Variants in SUCO observed in about 807,000 individuals in gnomAD.
The protein encoded by SUCO is SUN domain containing ossification factor.
SUCO carries 57 observed loss-of-function variants against 148.1 expected under a neutral mutation model. The ratio of observed to expected loss-of-function variants is 0.38; its 90% CI spans 0.31 to 0.48. SUCO has a LOEUF of 0.48. Among genes scored for constraint, SUCO ranks in the 20% least tolerant of loss-of-function variants. The probability of loss-of-function intolerance (pLI) is 0.96; values close to 1 mark genes in which losing one functional copy is unlikely to be tolerated. For missense variants in SUCO, 1,331 were observed against 1,468.2 expected (o/e 0.91, Z 1.53); for synonymous variants, 470 against 502.7 (o/e 0.93, Z 0.87).
Position 172,578,415 on chromosome 1 carries a change from T to G in SUCO, c.1432+26T>G, listed in dbSNP as rs760905069. Reference sequence around the variant, plus strand: ...GTAAGTGACATCAAACAGATGACTGTTAGGTATATTTTTTTTACTTTTTAA... The same window carrying G: ...GTAAGTGACATCAAACAGATGACTGGTAGGTATATTTTTTTTACTTTTTAA... On this transcript the variant is annotated intron_variant, in intron 14 of 23. Transcript: ENST00000263688. 3 of 1,586,812 alleles carry G rather than the reference T, an allele frequency of 1.9e-6. No homozygotes were observed. In the South Asian group the frequency reaches 3.4e-5, roughly 18 times the overall value.
chr1:172,533,495 C>T lies in SUCO; in HGVS notation c.60C>T (p.Val20=). The T allele has an allele frequency of 1.3e-6, 2 of 1,552,978 alleles. No homozygotes were observed. Among genetic ancestry groups the T allele is most frequent in the Non-Finnish European group, 1.7e-6 (2 of 1,146,288 alleles). Reference sequence around the variant, plus strand: ...CCTGCCTCTTTCTGTGCTCTCTGGTCTGGTGAGTAGCCGCGACGACAAGGG... The same window carrying T: ...CCTGCCTCTTTCTGTGCTCTCTGGTTTGGTGAGTAGCCGCGACGACAAGGG... ...LVSCLFLCSL[V]WLPSWRVCCK... The change falls in exon 1 of 24, where the codon GTC becomes GTT. Residue 20 remains valine (V), a splice_region_variant and synonymous_variant. Transcript: ENST00000263688.
chr1:172,537,770 C>G (rs1190842852), intron 1 of SUCO, among the ~76,000 whole-genome samples: 1 of 152,174 alleles, frequency 6.6e-6, no homozygotes, highest in Non-Finnish European at 1.5e-5. Context: ...TTAAACAAGT[C>G]TCATACATTT....
intron 21 of SUCO, 23 bp downstream of exon 21, chr1:172,602,241 C>A: frequency 6.4e-7 from 1 of 1,552,120 alleles, no homozygotes; most frequent in Non-Finnish European, 8.7e-7. Flanking sequence ...TTATATTTCA[C>A]AATTTTATTT....
intron 13 of SUCO, among the ~76,000 whole-genome samples, 192 bp downstream of exon 13, chr1:172,578,011 T>G (rs1655584452): frequency 6.6e-6 from 1 of 151,852 alleles, no homozygotes; most frequent in Non-Finnish European, 1.5e-5. Context: ...AAAACCTCAT[T>G]TTGTATATTT....
At chr1:172,553,677 A>AT (rs1197280175) in intron 3 of SUCO, among the ~76,000 whole-genome samples, 5 of 151,990 alleles carry the variant, frequency 3.3e-5, no homozygotes, top group Non-Finnish European at 7.4e-5. Context: ...TTGTTAAGAA[A>AT]TTTTTTTCTA....
chr1:172,602,381 A>T, intron 21 of SUCO, 163 bp downstream of exon 21: 2 of 980,720 alleles, frequency 2.0e-6, no homozygotes, highest in Non-Finnish European at 2.4e-6. Context: ...AGATGGTCCT[A>T]TGCCTAACCT....
chr1:172,541,233 G>GTTTTAAATCACCTCTAGATA (rs1406066391), intron 1 of SUCO, among the ~76,000 whole-genome samples: 1 of 152,098 alleles, frequency 6.6e-6, no homozygotes, highest in Non-Finnish European at 1.5e-5. Flanking sequence ...ATGCATAGAT[G>GTTTTAAATCACCTCTAGATA]TTTTAAATCA....
At chr1:172,607,835 G>A (rs1288319008) in intron 22 of SUCO, among the ~76,000 whole-genome samples, 2 of 151,862 alleles carry the variant, frequency 1.3e-5, no homozygotes, top group African/African-American at 4.8e-5. Flanking sequence ...TCATATATTT[G>A]ATGACTTTCT....
intron 22 of SUCO, among the ~76,000 whole-genome samples, chr1:172,605,072 G>T (rs1011668007): frequency 2.0e-5 from 3 of 151,712 alleles, no homozygotes; most frequent in Non-Finnish European, 4.4e-5. Flanking sequence ...CTCCGTTATG[G>T]ATTATAACCC....
chr1:172,574,908 T>G, intron 10 of SUCO: 1 of 985,154 alleles, frequency 1.0e-6, no homozygotes, highest in Non-Finnish European at 1.2e-6. Context: ...CTCAGTTCAC[T>G]TCTTTTTCTC....
upstream of SUCO, chr1:172,532,379 C>A (rs1223912868): frequency 5.3e-6 from 5 of 944,174 alleles, no homozygotes; most frequent in African/African-American, 6.6e-5. Context: ...GAACGAAAAG[C>A]AACGAAGCAC....
upstream of SUCO, chr1:172,533,039 C>T (rs1216180824): frequency 6.3e-6 from 9 of 1,433,050 alleles, no homozygotes; most frequent in East Asian, 2.5e-5. Context: ...TCCAGCTCAG[C>T]GGTGTGTGAG....
At chr1:172,607,134 A>G (rs74553230) in intron 22 of SUCO, among the ~76,000 whole-genome samples, 10,075 of 151,946 alleles carry the variant, frequency 0.066, 494 homozygotes, top group Middle Eastern at 0.12. Flanking sequence ...TGATAAATCT[A>G]ATATCTTAAA....
At chr1:172,575,668 C>T (rs375734057) in intron 11 of SUCO, 45 bp downstream of exon 11, 61 of 1,341,180 alleles carry the variant, frequency 4.5e-5, no homozygotes, top group Middle Eastern at 3.6e-4. Context: ...TGAAAATATA[C>T]GTGTTATTCA....
chr1:172,610,001 T>G lies in SUCO; in HGVS notation c.3507T>G (p.Thr1169=). 1 of 1,613,964 alleles carries G rather than the reference T, an allele frequency of 6.2e-7. No individual in the cohort carries two copies. Among genetic ancestry groups the G allele is most frequent in the Non-Finnish European group, 8.5e-7 (1 of 1,179,898 alleles). ...KGPPSEGSSE[T]SSQSEESYFC... ...CTCCATCTGAAGGAAGCTCAGAAAC[T>G]TCATCACAGTCAGAAGAGTCCTATT... Residue 1169 remains threonine, a synonymous_variant, in exon 24 of 24, where the codon ACT becomes ACG. Transcript: ENST00000263688.
At chr1:172,542,766 C>T in intron 1 of SUCO, 1 of 985,206 alleles carries the variant, frequency 1.0e-6, no homozygotes, top group Non-Finnish European at 1.2e-6. Context: ...ACTTTTGAAA[C>T]AGAATAAAGA....
At position 172,610,781 on chromosome 1, in the gene SUCO, A is replaced by G. The variant is rs1027069887; in HGVS notation, c.*522A>G. ...CTCAGGAGTGTGGATCAGACAGTCT[A>G]AAGATCCTAAAAACTTGCCAACTGG... On this transcript the variant is annotated 3_prime_UTR_variant, in exon 24 of 24. Coordinates refer to ENST00000263688, the MANE Select transcript of SUCO (RefSeq NM_014283.5). 2.0e-5 allele frequency: 3 copies of G among 152,638 alleles called. No individual in the cohort carries two copies. Among genetic ancestry groups the G allele is most frequent in the African/African-American group, 7.2e-5 (3 of 41,418 alleles). 9.5% of individuals were successfully genotyped at this position (152,638 alleles called of 1,614,324 possible).
rs941272708 is a variant in SUCO at position 172,611,766 on chromosome 1, A to G, written c.*1507A>G. On this transcript the variant is annotated 3_prime_UTR_variant, in exon 24 of 24. Coordinates refer to ENST00000263688, the MANE Select transcript of SUCO (RefSeq NM_014283.5). ...GTGGGAAGAGAATTTTCAATATGTAACTACGGAGCTGTAGTGCCATTAGAA... is the reference window on the plus strand; with the variant it reads ...GTGGGAAGAGAATTTTCAATATGTAGCTACGGAGCTGTAGTGCCATTAGAA... 1.3e-5 allele frequency: 2 copies of G among 152,650 alleles called. No individual in the cohort carries two copies. The highest frequency in any genetic ancestry group is 2.4e-5 in the African/African-American group (1 of 41,456). The allele number at this position is 152,650 out of a possible 1,614,324, so 9.5% of individuals were successfully genotyped here.
rs113098297 is a variant in SUCO, at chr1:172,585,669, C to T, written c.1568-189C>T. 5.0e-3 allele frequency among the ~76,000 whole-genome samples: 766 copies of T among 152,098 alleles called. 7 individuals carry two copies. Among genetic ancestry groups the T allele is most frequent in the African/African-American group, 0.017 (712 of 41,496 alleles). ...TTTAATTATCTGAGAAATTGAGAAA[C>T]GATATATATTACTTGTGATCTTATA... is the stretch of plus-strand genomic sequence containing the variant. On this transcript the variant is annotated intron_variant, in intron 16 of 23. Transcript: ENST00000263688.
Sources: gnomAD v4.1 joint callset for allele counts (sites outside exome capture counted in the v4.1 genomes callset) on GRCh38, gnomAD v4.1.1 for gene constraint, MANE v1.5 for transcripts, NCBI Gene and HGNC (gene_info 2026-07-23, HGNC 2026-07-21) for gene names.